Variants in IGFL2 observed in about 807,000 individuals in gnomAD.
IGFL2 encodes the protein insulin growth factor-like family member 2.
IGFL2 carries 7 observed loss-of-function variants against 13.9 expected under a neutral mutation model. The observed-to-expected ratio is 0.51, with a 90% CI of 0.29 to 0.95. IGFL2 has a LOEUF of 0.95. Among genes scored for constraint, IGFL2 ranks in the 40% least tolerant of loss-of-function variants. The pLI, the probability that IGFL2 is intolerant of heterozygous loss-of-function variation, is 0.08. For missense variants in IGFL2, 138 were observed against 147.8 expected, an observed-to-expected ratio of 0.93 and a Z score of 0.34; for synonymous variants, 55 against 55.8, an observed-to-expected ratio of 0.99 and a Z score of 0.07.
At chr19:46,167,617 T>A in the IGFL2 span, among the ~76,000 whole-genome samples, 1 of 152,158 alleles carries the variant, frequency 6.6e-6, no homozygotes, top group Non-Finnish European at 1.5e-5. Flanking sequence ...AAAAATACAT[T>A]ATCTATTATG....
At chr19:46,182,597 A>G in the IGFL2 span, among the ~76,000 whole-genome samples, 605 of 152,322 alleles carry the variant, frequency 4.0e-3, 3 homozygotes, top group African/African-American at 0.012. Context: ...ATGTACATAC[A>G]GTAAACTCCA....
At chr19:46,154,221 T>C (rs1973681688) in intron 1 of IGFL2, among the ~76,000 whole-genome samples, 1 of 152,242 alleles carries the variant, frequency 6.6e-6, no homozygotes, top group Non-Finnish European at 1.5e-5. Flanking sequence ...CTGGCCCGTC[T>C]GCCTCTGTTG....
chr19:46,105,593 G>A, the IGFL2 span, among the ~76,000 whole-genome samples: 1 of 152,194 alleles, frequency 6.6e-6, no homozygotes, highest in Admixed American at 6.5e-5. Flanking sequence ...AGGAACAATG[G>A]TAATCGTTGC....
chr19:46,172,786 T>A, the IGFL2 span, among the ~76,000 whole-genome samples: 1 of 152,212 alleles, frequency 6.6e-6, no homozygotes, highest in Non-Finnish European at 1.5e-5. Context: ...GGTGCGATCT[T>A]GGCTCACTGT....
the IGFL2 span, among the ~76,000 whole-genome samples, chr19:46,105,384 C>T: frequency 6.6e-6 from 1 of 152,170 alleles, no homozygotes; most frequent in Non-Finnish European, 1.5e-5. Flanking sequence ...GATACTATAG[C>T]ATAGCCTGCC....
At chr19:46,116,954 T>A in the IGFL2 span, among the ~76,000 whole-genome samples, 1 of 140,436 alleles carries the variant, frequency 7.1e-6, no homozygotes, top group Non-Finnish European at 1.5e-5. Context: ...TTGTTTATCT[T>A]ATATTAAATT....
At chr19:46,154,405 T>C (rs1223416248) in intron 1 of IGFL2, among the ~76,000 whole-genome samples, 1 of 152,154 alleles carries the variant, frequency 6.6e-6, no homozygotes, top group Non-Finnish European at 1.5e-5. Flanking sequence ...CTTTTTCTGA[T>C]TTTCTCTGTT....
the IGFL2 span, among the ~76,000 whole-genome samples, chr19:46,206,047 A>G: frequency 6.6e-6 from 1 of 152,184 alleles, no homozygotes; most frequent in African/African-American, 2.4e-5. Flanking sequence ...AAAATAGCTT[A>G]TCTGACCCTT....
the IGFL2 span, among the ~76,000 whole-genome samples, chr19:46,210,737 C>T: frequency 6.6e-6 from 1 of 152,202 alleles, no homozygotes; most frequent in Non-Finnish European, 1.5e-5. Flanking sequence ...GTGGGTCTGC[C>T]TTTCCCAGCC....
At chr19:46,201,847 G>A in the IGFL2 span, among the ~76,000 whole-genome samples, 3 of 152,134 alleles carry the variant, frequency 2.0e-5, no homozygotes, top group Non-Finnish European at 4.4e-5. Flanking sequence ...TTGTTAAGAT[G>A]TAAAGGATCA....
At chr19:46,123,848 C>G in the IGFL2 span, 8 of 1,568,906 alleles carry the variant, frequency 5.1e-6, no homozygotes, top group South Asian at 7.1e-5. Context: ...TCATCCCTCC[C>G]TCATTCCTTT....
chr19:46,141,003 C>G (rs1972835436), upstream of IGFL2, among the ~76,000 whole-genome samples: 1 of 152,198 alleles, frequency 6.6e-6, no homozygotes, highest in Non-Finnish European at 1.5e-5. Context: ...TCTTAACAAG[C>G]TCTGCCATTA....
the IGFL2 span, among the ~76,000 whole-genome samples, chr19:46,117,866 C>T: frequency 6.6e-6 from 1 of 152,132 alleles, no homozygotes; most frequent in Non-Finnish European, 1.5e-5. Flanking sequence ...GAACCAGGGA[C>T]CACCTCACTC....
intron 1 of IGFL2, among the ~76,000 whole-genome samples, chr19:46,150,185 A>G (rs554840571): frequency 6.6e-6 from 1 of 152,174 alleles, no homozygotes; most frequent in East Asian, 1.9e-4. Flanking sequence ...TTTTGAGAAA[A>G]GGTTTATTCA....
intron 1 of IGFL2, chr19:46,149,173 C>G: frequency 4.6e-6 from 3 of 650,154 alleles, no homozygotes; most frequent in Non-Finnish European, 8.4e-6. Flanking sequence ...CTCTCTCTCT[C>G]TCTTCTCTCT....
chr19:46,161,106 AT>A lies in IGFL2; in HGVS notation c.*19del. On this transcript the variant is annotated 3_prime_UTR_variant, in exon 4 of 4. Transcript: ENST00000377693. ...TTCCCTGAGAAGACATAGAAAGAAA[AT>A]CAACTTTCACTAAGGCATCTCAGAA... 1 of 1,579,528 alleles carries A rather than the reference AT, an allele frequency of 6.3e-7. No individual in the cohort carries two copies. Among genetic ancestry groups the A allele is most frequent in the Non-Finnish European group, 8.6e-7 (1 of 1,158,420 alleles).
chr19:46,148,334 A>G (rs779819272), intron 1 of IGFL2, 37 bp downstream of exon 1: 52 of 1,528,352 alleles, frequency 3.4e-5, no homozygotes, highest in Non-Finnish European at 4.6e-5. Context: ...GCTAATGCCT[A>G]CTGTTATCCC....
At chr19:46,130,188 T>C in the IGFL2 span, among the ~76,000 whole-genome samples, 1 of 152,192 alleles carries the variant, frequency 6.6e-6, no homozygotes, top group Admixed American at 6.5e-5. Flanking sequence ...CCTGCTTTTT[T>C]CTGTTTTCCA....
At chr19:46,199,253 A>G in the IGFL2 span, among the ~76,000 whole-genome samples, 1 of 152,216 alleles carries the variant, frequency 6.6e-6, no homozygotes, top group East Asian at 1.9e-4. Context: ...AGATGGGAGA[A>G]TTAAACAAAT....
Sources: gnomAD v4.1 joint callset for allele counts (sites outside exome capture counted in the v4.1 genomes callset) on GRCh38, gnomAD v4.1.1 for gene constraint, MANE v1.5 for transcripts, NCBI Gene and HGNC (gene_info 2026-07-23, HGNC 2026-07-21) for gene names.